Variants in CCSER1 observed in about 807,000 individuals in gnomAD.
The protein encoded by CCSER1 is coiled-coil serine rich protein 1.
Under a neutral mutation model 82.0 loss-of-function variants are expected in CCSER1, and 41 were observed. That is an observed-to-expected ratio of 0.50 (90% CI 0.39 to 0.65). CCSER1 has a LOEUF of 0.65. CCSER1 is among the 30% of genes least tolerant of loss of function. The pLI is 0.00. For missense variants in CCSER1, 1,119 were observed against 1,064.2 expected (o/e 1.05, Z -0.72); for synonymous variants, 414 against 383.9 (o/e 1.08, Z -0.92).
rs187786355 is a variant in CCSER1, at chr4:90,162,588, T to C, written c.-42+34757T>C. On this transcript the variant is annotated intron_variant, in intron 1 of 10. Transcript: ENST00000509176. The stretch of plus-strand genomic sequence containing the variant: ...CGTAGCAGTATCCTAAACAGTATTA[T>C]AGAAGTCTAAAAAAAAAGTTAAGAC... Among the ~76,000 whole-genome samples, 27 of 152,084 alleles carry C rather than the reference T, an allele frequency of 1.8e-4. No individual in the cohort carries two copies. In the East Asian group the frequency reaches 1.9e-3, roughly 11 times the overall value.
intron 8 of CCSER1, among the ~76,000 whole-genome samples, chr4:90,826,691 T>C (rs550226978): frequency 1.3e-5 from 2 of 152,340 alleles, no homozygotes; most frequent in African/African-American, 4.8e-5. Flanking sequence ...GAGGAAAATC[T>C]GTCTGACTCC....
intron 10 of CCSER1, among the ~76,000 whole-genome samples, chr4:91,273,560 G>A (rs1742200587): frequency 6.6e-6 from 1 of 152,134 alleles, no homozygotes; most frequent in African/African-American, 2.4e-5. Flanking sequence ...GACAGTGACA[G>A]TTTGACTTCC....
At chr4:90,425,966 T>G (rs570670787) in intron 4 of CCSER1, among the ~76,000 whole-genome samples, 52 of 152,144 alleles carry the variant, frequency 3.4e-4, no homozygotes, top group Non-Finnish European at 6.9e-4. Flanking sequence ...ATGCAGGACA[T>G]AGCAGTTTTG....
chr4:90,152,988 A>T (rs1727180089), intron 1 of CCSER1, among the ~76,000 whole-genome samples: 1 of 147,998 alleles, frequency 6.8e-6, no homozygotes, highest in Non-Finnish European at 1.5e-5. Flanking sequence ...GCACCCATTA[A>T]CTCGTCATTT....
intron 10 of CCSER1, among the ~76,000 whole-genome samples, chr4:91,593,250 T>C (rs1196928007): frequency 1.3e-5 from 2 of 152,166 alleles, no homozygotes; most frequent in African/African-American, 4.8e-5. Context: ...GCCCGTGCAA[T>C]GTGTATTGTA....
chr4:91,326,817 AAACCAAG>A (rs1746597207), intron 10 of CCSER1, among the ~76,000 whole-genome samples: 3 of 152,172 alleles, frequency 2.0e-5, no homozygotes, highest in Non-Finnish European at 4.4e-5. Flanking sequence ...GAATTGGCCA[AAACCAAG>A]GGTCTGCAGG....
intron 10 of CCSER1, among the ~76,000 whole-genome samples, chr4:91,596,618 T>G (rs1764592928): frequency 6.6e-6 from 1 of 151,992 alleles, no homozygotes; most frequent in South Asian, 2.1e-4. Flanking sequence ...AAGAAGAAAG[T>G]GAGCTAGACA....
At chr4:90,559,093 C>T (rs1053431803) in intron 5 of CCSER1, among the ~76,000 whole-genome samples, 2 of 152,182 alleles carry the variant, frequency 1.3e-5, no homozygotes, top group Non-Finnish European at 2.9e-5. Context: ...CTCTAATCCA[C>T]ACTGCTTTGT....
intron 9 of CCSER1, among the ~76,000 whole-genome samples, chr4:91,054,231 T>TG (rs925845627): frequency 5.9e-5 from 9 of 152,118 alleles, no homozygotes; most frequent in African/African-American, 9.7e-5. Context: ...GTGGGTGAGG[T>TG]GAGGGAGCAC....
intron 10 of CCSER1, among the ~76,000 whole-genome samples, chr4:91,311,115 T>C (rs1745442690): frequency 6.6e-6 from 1 of 152,024 alleles, no homozygotes; most frequent in South Asian, 2.1e-4. Context: ...TGAAATGATG[T>C]ATTTACAGAA....
chr4:91,472,449 T>A (rs1295061083), intron 10 of CCSER1, among the ~76,000 whole-genome samples: 1 of 152,184 alleles, frequency 6.6e-6, no homozygotes. Flanking sequence ...TAAACCCCAA[T>A]CCTTTCTTTT....
At chr4:91,112,624 C>T (rs1216265486) in intron 10 of CCSER1, 1 of 152,080 alleles carries the variant, frequency 6.6e-6, no homozygotes, top group Admixed American at 6.5e-5. Flanking sequence ...ACTCCCTGTT[C>T]TCAAGGTCAT....
intron 8 of CCSER1, among the ~76,000 whole-genome samples, chr4:90,834,659 A>T (rs754237462): frequency 6.6e-6 from 1 of 152,202 alleles, no homozygotes; most frequent in East Asian, 1.9e-4. Flanking sequence ...ATTTTAATCA[A>T]TTTTCAAAAA....
At chr4:91,538,183 C>T (rs941563626) in intron 10 of CCSER1, among the ~76,000 whole-genome samples, 1 of 151,872 alleles carries the variant, frequency 6.6e-6, no homozygotes, top group Non-Finnish European at 1.5e-5. Flanking sequence ...AAATAACATT[C>T]GTATGTATGA....
chr4:90,439,001 T>C (rs919407867), intron 4 of CCSER1, among the ~76,000 whole-genome samples: 2 of 152,272 alleles, frequency 1.3e-5, no homozygotes, highest in South Asian at 4.1e-4. Context: ...TTCATTTTTT[T>C]AAAAAGCCTT....
chr4:91,212,131 G>A (rs1466358362), intron 10 of CCSER1, among the ~76,000 whole-genome samples: 3 of 151,896 alleles, frequency 2.0e-5, no homozygotes, highest in Non-Finnish European at 4.4e-5. Context: ...AAAGCATTTG[G>A]TACAGTATTC....
intron 1 of CCSER1, among the ~76,000 whole-genome samples, chr4:90,302,065 A>G (rs1362543295): frequency 6.6e-6 from 1 of 152,134 alleles, no homozygotes; most frequent in Non-Finnish European, 1.5e-5. Context: ...TACCCTCAGG[A>G]TTATAAGATT....
intron 8 of CCSER1, among the ~76,000 whole-genome samples, chr4:90,825,889 G>A (rs1370857802): frequency 6.6e-6 from 1 of 151,534 alleles, no homozygotes; most frequent in East Asian, 1.9e-4. Context: ...ACGGGGTTTC[G>A]CCATATTAGC....
intron 1 of CCSER1, among the ~76,000 whole-genome samples, chr4:90,190,548 C>T (rs1026831575): frequency 6.6e-6 from 1 of 152,116 alleles, no homozygotes; most frequent in Non-Finnish European, 1.5e-5. Context: ...ACCACCGGGG[C>T]TTTCATGGAT....
Sources: gnomAD v4.1 joint callset for allele counts (sites outside exome capture counted in the v4.1 genomes callset) on GRCh38, gnomAD v4.1.1 for gene constraint, MANE v1.5 for transcripts, NCBI Gene and HGNC (gene_info 2026-07-23, HGNC 2026-07-21) for gene names.